GALNTL6: variants seen among roughly 807,000 people sequenced by gnomAD.
GALNTL6 encodes polypeptide N-acetylgalactosaminyltransferase like 6, also known as polypeptide N-acetylgalactosaminyltransferase-like 6.
A neutral mutation model predicts 73.7 loss-of-function variants in GALNTL6; 46 were observed. That is an observed-to-expected ratio of 0.62 (90% CI 0.49 to 0.80). The LOEUF is 0.80. GALNTL6 is among the 30% of genes least tolerant of loss of function. The pLI is 0.00. For missense variants in GALNTL6, 604 were observed against 755.0 expected (o/e 0.80, Z 2.34); for synonymous variants, 259 against 263.7 (o/e 0.98, Z 0.17).
chr4:172,301,616 A>G (rs1739927328), intron 3 of GALNTL6, among the ~76,000 whole-genome samples: 1 of 151,836 alleles, frequency 6.6e-6, no homozygotes, highest in Non-Finnish European at 1.5e-5. Context: ...GGTCTGTTGG[A>G]GTTTGCTGGA....
At chr4:172,941,501 T>C (rs578195994) in intron 9 of GALNTL6, among the ~76,000 whole-genome samples, 5 of 152,224 alleles carry the variant, frequency 3.3e-5, no homozygotes, top group Non-Finnish European at 5.9e-5. Flanking sequence ...AGGCGGTTAT[T>C]GAGCATTTAC....
intron 5 of GALNTL6, among the ~76,000 whole-genome samples, chr4:172,804,860 G>GA (rs1579504993): frequency 6.6e-6 from 1 of 152,294 alleles, no homozygotes; most frequent in East Asian, 1.9e-4. Context: ...AGTGACCAGA[G>GA]AAAATGCCCT....
At chr4:172,197,774 A>T (rs1025888993) in intron 2 of GALNTL6, among the ~76,000 whole-genome samples, 1 of 152,174 alleles carries the variant, frequency 6.6e-6, no homozygotes, top group African/African-American at 2.4e-5. Context: ...CTTACACCTT[A>T]TAAAAAAATT....
intron 5 of GALNTL6, among the ~76,000 whole-genome samples, chr4:172,438,575 A>G (rs1184510589): frequency 1.3e-5 from 2 of 152,200 alleles, no homozygotes; most frequent in South Asian, 2.1e-4. Flanking sequence ...AATTAATAGT[A>G]TATGCCCTTG....
At chr4:172,769,876 T>G (rs1168234058) in intron 5 of GALNTL6, among the ~76,000 whole-genome samples, 1 of 152,344 alleles carries the variant, frequency 6.6e-6, no homozygotes, top group Non-Finnish European at 1.5e-5. Context: ...AACTTTTCTC[T>G]TACAGTGTAA....
chr4:172,822,770 T>C (rs1457376426), intron 7 of GALNTL6, among the ~76,000 whole-genome samples: 1 of 152,148 alleles, frequency 6.6e-6, no homozygotes, highest in Non-Finnish European at 1.5e-5. Context: ...TGATGACTGT[T>C]TTTCGTAGGG....
intron 2 of GALNTL6, among the ~76,000 whole-genome samples, chr4:172,036,938 T>G (rs1179584254): frequency 6.6e-6 from 1 of 152,162 alleles, no homozygotes; most frequent in Non-Finnish European, 1.5e-5. Flanking sequence ...TTAAGTGTGA[T>G]GTGTCATCTC....
At chr4:172,866,392 G>T (rs906794247) in intron 7 of GALNTL6, among the ~76,000 whole-genome samples, 41 of 152,314 alleles carry the variant, frequency 2.7e-4, no homozygotes, top group African/African-American at 9.9e-4. Flanking sequence ...ACAACAATAT[G>T]ACATCAGTCA....
At chr4:172,826,126 C>T (rs1475307066) in intron 7 of GALNTL6, among the ~76,000 whole-genome samples, 1 of 151,852 alleles carries the variant, frequency 6.6e-6, no homozygotes, top group Non-Finnish European at 1.5e-5. Flanking sequence ...GCTCCCAACA[C>T]ATTTGGGCCC....
intron 5 of GALNTL6, among the ~76,000 whole-genome samples, chr4:172,466,571 C>T (rs1467976934): frequency 6.6e-6 from 1 of 152,138 alleles, no homozygotes; most frequent in Non-Finnish European, 1.5e-5. Context: ...TTTGGTTTCC[C>T]TTTTACACTT....
intron 10 of GALNTL6, among the ~76,000 whole-genome samples, chr4:172,969,298 C>A (rs1750465949): frequency 6.6e-6 from 1 of 151,908 alleles, no homozygotes; most frequent in Admixed American, 6.6e-5. Flanking sequence ...ACTAATAAAC[C>A]AGACACAAAG....
intron 2 of GALNTL6, among the ~76,000 whole-genome samples, chr4:172,212,321 C>G (rs143412609): frequency 0.027 from 4,096 of 152,156 alleles, 82 homozygotes; most frequent in Non-Finnish European, 0.044. Context: ...GCCACCACGC[C>G]TGGCTAATTT....
intron 2 of GALNTL6, among the ~76,000 whole-genome samples, chr4:172,064,846 G>C (rs1731311959): frequency 6.6e-6 from 1 of 151,970 alleles, no homozygotes; most frequent in South Asian, 2.1e-4. Context: ...TTGGTCTACT[G>C]ATTGTGGCCA....
chr4:172,500,131 G>T (rs78105396), intron 5 of GALNTL6, among the ~76,000 whole-genome samples: 3,194 of 152,234 alleles, frequency 0.021, 97 homozygotes, highest in African/African-American at 0.072. Flanking sequence ...TTAAACTTCT[G>T]AAAGCTAAGC....
Position 172,479,950 on chromosome 4 carries a change from C to T in GALNTL6, c.553+131261C>T, listed in dbSNP as rs533557387. 1.2e-4 allele frequency among the ~76,000 whole-genome samples: 18 copies of T among 152,230 alleles called. No individual in the cohort carries two copies. The East Asian group carries it at 3.1e-3, about 26-fold the overall frequency. ...CAGAGACACATGTCATAAATAGAGG[C>T]ACTCATAGCAAAACACCCCTCATTT... is the stretch of plus-strand genomic sequence containing the variant. On this transcript the variant is annotated intron_variant, in intron 5 of 12. Transcript: ENST00000506823.
intron 3 of GALNTL6, among the ~76,000 whole-genome samples, chr4:172,253,202 C>T (rs1451921350): frequency 8.6e-5 from 13 of 151,432 alleles, no homozygotes; most frequent in Admixed American, 6.6e-4. Flanking sequence ...AATGTAAACC[C>T]GTCGGATATG....
At chr4:172,106,950 C>T (rs544231438) in intron 2 of GALNTL6, among the ~76,000 whole-genome samples, 12 of 152,232 alleles carry the variant, frequency 7.9e-5, no homozygotes, top group Admixed American at 3.9e-4. Flanking sequence ...CTTGGCTCAC[C>T]GCAACCTTTG....
At chr4:171,910,285 T>G (rs1463758091) in intron 2 of GALNTL6, among the ~76,000 whole-genome samples, 1 of 152,082 alleles carries the variant, frequency 6.6e-6, no homozygotes, top group Non-Finnish European at 1.5e-5. Flanking sequence ...TATGCGCAGA[T>G]TTTTCAATGT....
intron 2 of GALNTL6, among the ~76,000 whole-genome samples, chr4:171,976,649 G>A (rs17057789): frequency 0.036 from 5,488 of 152,218 alleles, 270 homozygotes; most frequent in African/African-American, 0.11. Context: ...ACTGCATTAG[G>A]ATAAATCTGC....
Sources: allele counts gnomAD v4.1 joint callset (sites outside exome capture counted in the v4.1 genomes callset), GRCh38; gene constraint gnomAD v4.1.1; transcripts MANE v1.5; gene names NCBI Gene and HGNC (gene_info 2026-07-23, HGNC 2026-07-21).